The following CTBP2 variants were observed in gnomAD, a reference collection of about 807,000 sequenced individuals.
CTBP2 encodes the protein C-terminal binding protein 2, also known as C-terminal-binding protein 2.
Under a neutral mutation model 80.3 loss-of-function variants are expected in CTBP2, and 30 were observed. The observed-to-expected ratio is 0.37, with a 90% CI of 0.28 to 0.51. The LOEUF (loss-of-function observed/expected upper bound fraction) is 0.51. Among genes scored for constraint, CTBP2 ranks in the 20% least tolerant of loss-of-function variants. The probability of loss-of-function intolerance (pLI) is 0.93; values close to 1 mark genes in which losing one functional copy is unlikely to be tolerated. For missense variants in CTBP2, 1,212 were observed against 1,375.3 expected (o/e 0.88, Z 1.88); for synonymous variants, 594 against 587.4 (o/e 1.01, Z -0.16).
intron 3 of CTBP2, among the ~76,000 whole-genome samples, chr10:125,037,086 T>G (rs529464498): frequency 6.6e-6 from 1 of 152,318 alleles, no homozygotes; most frequent in East Asian, 1.9e-4. Context: ...TAACTGCAAA[T>G]GTATCTGGAA....
At chr10:125,044,066 T>C (rs982247108) in intron 2 of CTBP2, among the ~76,000 whole-genome samples, 1 of 152,100 alleles carries the variant, frequency 6.6e-6, no homozygotes, top group Admixed American at 6.5e-5. Context: ...GTTTGAGAGG[T>C]TGAGGCGATC....
intron 6 of CTBP2, 96 bp from the exon 9 acceptor site, chr10:124,993,425 A>G: frequency 7.4e-7 from 1 of 1,342,656 alleles, no homozygotes; most frequent in Non-Finnish European, 1.0e-6. Context: ...GTAGAAAAGT[A>G]GCTACATAGA....
intron 2 of CTBP2, among the ~76,000 whole-genome samples, chr10:125,040,777 C>A (rs1454173605): frequency 6.6e-6 from 1 of 152,182 alleles, no homozygotes; most frequent in Non-Finnish European, 1.5e-5. Flanking sequence ...GACTGCAGGT[C>A]TACCAGGTTT....
At chr10:125,069,763 TC>T (rs1845170162) in intron 2 of CTBP2, among the ~76,000 whole-genome samples, 1 of 152,112 alleles carries the variant, frequency 6.6e-6, no homozygotes. Context: ...GCTGAGAGTC[TC>T]CCCTTTAATG....
chr10:125,012,407 C>T (rs1461005168), intron 1 of CTBP2, among the ~76,000 whole-genome samples: 1 of 152,172 alleles, frequency 6.6e-6, no homozygotes. Context: ...CACTCTCAGC[C>T]ACCACTGTGG....
At chr10:125,085,221 G>A (rs1387924918) in intron 2 of CTBP2, among the ~76,000 whole-genome samples, 2 of 152,192 alleles carry the variant, frequency 1.3e-5, no homozygotes, top group African/African-American at 2.4e-5. Flanking sequence ...GGTGGCTAAG[G>A]GGAAAAGTAG....
At chr10:125,019,252 G>A (rs990223847) in intron 1 of CTBP2, among the ~76,000 whole-genome samples, 8 of 152,166 alleles carry the variant, frequency 5.3e-5, no homozygotes, top group Non-Finnish European at 1.0e-4. Flanking sequence ...ACAACTGCAC[G>A]TTTAATCACA....
upstream of CTBP2, among the ~76,000 whole-genome samples, chr10:125,030,353 G>A (rs1184744713): frequency 1.3e-5 from 2 of 152,186 alleles, no homozygotes; most frequent in African/African-American, 4.8e-5. Flanking sequence ...GTGTCGGGGA[G>A]AGAGGCGATG....
chr10:125,031,983 C>T (rs963818121), upstream of CTBP2, among the ~76,000 whole-genome samples: 1 of 152,004 alleles, frequency 6.6e-6, no homozygotes, highest in Non-Finnish European at 1.5e-5. Flanking sequence ...GACTCAATTT[C>T]TTAACTATAT....
At chr10:125,051,548 G>A (rs1962765105) in intron 2 of CTBP2, among the ~76,000 whole-genome samples, 1 of 152,074 alleles carries the variant, frequency 6.6e-6, no homozygotes, top group African/African-American at 2.4e-5. Flanking sequence ...GCTGAGGCAG[G>A]AGAATTGCTT....
Position 125,066,994 on chromosome 10 carries a change from G to A in CTBP2, c.-101-27839C>T, listed in dbSNP as rs559893680. On this transcript the variant is annotated intron_variant, in intron 2 of 10. Transcript: ENST00000337195. The surrounding 1 kb of genome is among the most constrained non-coding windows in gnomAD (Gnocchi z 4.1). ...AGTCCCCGCCTGACCACCAGGCCCA[G>A]GTATAAGGGAAGGGCGACTCCTACT... 4.6e-5 allele frequency among the ~76,000 whole-genome samples: 7 copies of A among 152,250 alleles called. No individual in the cohort carries two copies. Among genetic ancestry groups the A allele is most frequent in the Non-Finnish European group, 7.4e-5 (5 of 68,020 alleles).
At position 125,044,007 on chromosome 10, in the gene CTBP2, C is replaced by A. The variant is rs140560024; in HGVS notation, c.-101-4852G>T. Among the ~76,000 whole-genome samples, 551 of 152,288 alleles carry A rather than the reference C, an allele frequency of 3.6e-3. 3 individuals carry two copies. The highest frequency in any genetic ancestry group is 0.013 in the African/African-American group (531 of 41,544). The stretch of plus-strand genomic sequence containing the variant: ...TGCCAAAGTTCTCTGAGTGTGTCCC[C>A]GGAGAACTCAGATCTCACTGTTAAG... On this transcript the variant is annotated intron_variant, in intron 2 of 10. Transcript: ENST00000337195.
chr10:125,050,625 G>A (rs1223908187), intron 2 of CTBP2, among the ~76,000 whole-genome samples: 1 of 152,146 alleles, frequency 6.6e-6, no homozygotes, highest in Non-Finnish European at 1.5e-5. Context: ...GGGTGGGGGT[G>A]CGGCTCACAA....
chr10:125,082,429 A>G (rs930729989), intron 2 of CTBP2, among the ~76,000 whole-genome samples: 2 of 152,152 alleles, frequency 1.3e-5, no homozygotes, highest in East Asian at 3.9e-4. Context: ...TTATGTACTG[A>G]ACTTGTACTT....
chr10:125,114,830 G>C (rs1455543649), intron 1 of CTBP2, among the ~76,000 whole-genome samples: 1 of 132,326 alleles, frequency 7.6e-6, no homozygotes, highest in Non-Finnish European at 1.6e-5. Context: ...GAGGCCAGGC[G>C]AGCAGCTCAA....
intron 2 of CTBP2, among the ~76,000 whole-genome samples, chr10:125,081,556 C>G (rs1788741243): frequency 6.6e-6 from 1 of 151,678 alleles, no homozygotes; most frequent in African/African-American, 2.4e-5. Flanking sequence ...GAAACACAAG[C>G]AAATGTGGTA....
chr10:125,012,242 G>A (rs989251246), intron 1 of CTBP2, among the ~76,000 whole-genome samples: 9 of 152,224 alleles, frequency 5.9e-5, no homozygotes, highest in Non-Finnish European at 1.2e-4. Flanking sequence ...CAGGATGTGG[G>A]GGATAGAAGC....
intron 2 of CTBP2, among the ~76,000 whole-genome samples, chr10:125,078,949 G>C (rs1590610974): frequency 6.7e-6 from 1 of 148,156 alleles, no homozygotes; most frequent in African/African-American, 2.5e-5. Context: ...GACCAGCCTG[G>C]CCAACATGGT....
intron 4 of CTBP2, 70 bp downstream of exon 6, chr10:124,997,894 C>T: frequency 6.6e-7 from 1 of 1,518,808 alleles, no homozygotes; most frequent in East Asian, 2.3e-5. Flanking sequence ...GTTGCCTTTC[C>T]CGAGGGGTCC....
Sources: allele counts gnomAD v4.1 joint callset (sites outside exome capture counted in the v4.1 genomes callset), GRCh38; gene constraint gnomAD v4.1.1; non-coding constraint Gnocchi (gnomAD v3.1); transcripts MANE v1.5; gene names NCBI Gene and HGNC (gene_info 2026-07-23, HGNC 2026-07-21).